BCKDHB: variants seen among roughly 807,000 people sequenced by gnomAD.
The protein encoded by BCKDHB is branched chain keto acid dehydrogenase E1 subunit beta.
Under a neutral mutation model 48.5 loss-of-function variants are expected in BCKDHB, and 41 were observed. The ratio of observed to expected loss-of-function variants is 0.85; its 90% CI spans 0.66 to 1.10. The LOEUF (loss-of-function observed/expected upper bound fraction) is 1.10. Ranked by LOEUF, BCKDHB falls within the 50% of genes least tolerant of loss-of-function variation. The pLI, the probability that BCKDHB is intolerant of heterozygous loss-of-function variation, is 0.00. For missense variants in BCKDHB, 496 were observed against 494.2 expected (o/e 1.00, Z -0.03); for synonymous variants, 201 against 174.8 (o/e 1.15, Z -1.18).
the BCKDHB span, among the ~76,000 whole-genome samples, chr6:80,399,091 T>G: frequency 6.6e-6 from 1 of 152,052 alleles, no homozygotes; most frequent in South Asian, 2.1e-4. Flanking sequence ...AACTAGATAT[T>G]GAAGGAACAT....
rs755910041 is a variant in BCKDHB at position 80,129,141 on chromosome 6, A to C, written c.275-20A>C. The C allele has an allele frequency of 1.9e-6, 3 of 1,540,844 alleles. No homozygotes were observed. The highest frequency in any genetic ancestry group is 2.7e-6 in the Non-Finnish European group (3 of 1,116,682). On this transcript the variant is annotated intron_variant, in intron 2 of 9. Transcript: ENST00000320393. The stretch of plus-strand genomic sequence containing the variant: ...TAGAGATTATTAAATAAAATGTATT[A>C]TTTAAATACTGTTTTTCAGTAATAT...
intron 1 of BCKDHB, among the ~76,000 whole-genome samples, chr6:80,107,423 A>G (rs12192954): frequency 0.011 from 841 of 73,212 alleles, 11 homozygotes; most frequent in East Asian, 0.075. Flanking sequence ...AATTGTGTGT[A>G]TGTGTGTGTG....
chr6:80,232,280 T>C (rs1382321104), intron 8 of BCKDHB, among the ~76,000 whole-genome samples: 2 of 143,628 alleles, frequency 1.4e-5, no homozygotes, highest in East Asian at 4.0e-4. Context: ...TCTTTAACCC[T>C]TTTTTTTTTT....
intron 8 of BCKDHB, among the ~76,000 whole-genome samples, chr6:80,217,977 C>T (rs1775247995): frequency 2.0e-5 from 3 of 152,142 alleles, no homozygotes; most frequent in African/African-American, 4.8e-5. Flanking sequence ...AGCAGATGGG[C>T]CAGCCTGAGC....
rs190122593 is a variant in BCKDHB, at chr6:80,147,355, A to G, written c.343+18126A>G. Reference sequence around the variant, plus strand: ...TTGGTTTTGTGTTCTCTTTGAAGAAAATAGTAGTGATATATGTGCTCAATA... The same window carrying G: ...TTGGTTTTGTGTTCTCTTTGAAGAAGATAGTAGTGATATATGTGCTCAATA... On this transcript the variant is annotated intron_variant, in intron 3 of 9. Transcript: ENST00000320393. 2.0e-3 allele frequency among the ~76,000 whole-genome samples: 298 copies of G among 152,294 alleles called. 3 individuals are homozygous for G. Among genetic ancestry groups the G allele is most frequent in the East Asian group, 0.014 (73 of 5,182 alleles).
At chr6:80,254,174 C>T (rs11961389) in intron 8 of BCKDHB, among the ~76,000 whole-genome samples, 11,078 of 151,226 alleles carry the variant, frequency 0.073, 582 homozygotes, top group South Asian at 0.24. Flanking sequence ...TCCTAGTATC[C>T]TAATATATTA....
chr6:80,294,411 A>G (rs1240258433), intron 9 of BCKDHB, among the ~76,000 whole-genome samples: 2 of 152,184 alleles, frequency 1.3e-5, no homozygotes, highest in Non-Finnish European at 2.9e-5. Flanking sequence ...AAAGAACAGA[A>G]TAACAGTGAC....
intron 9 of BCKDHB, among the ~76,000 whole-genome samples, chr6:80,291,777 G>T (rs1000708991): frequency 6.6e-6 from 1 of 152,098 alleles, no homozygotes; most frequent in Non-Finnish European, 1.5e-5. Flanking sequence ...AATAACAAGT[G>T]TACCACAGTT....
At chr6:80,311,385 G>T (rs1162355536) in intron 9 of BCKDHB, among the ~76,000 whole-genome samples, 1 of 152,194 alleles carries the variant, frequency 6.6e-6, no homozygotes, top group Non-Finnish European at 1.5e-5. Context: ...CTCCCATTCT[G>T]TAGGTTGCCT....
intron 9 of BCKDHB, among the ~76,000 whole-genome samples, chr6:80,282,733 G>T (rs150196481): frequency 1.3e-5 from 2 of 152,104 alleles, no homozygotes; most frequent in East Asian, 3.9e-4. Context: ...CATAGGAAAA[G>T]AAACTTGCAC....
chr6:80,389,265 G>A, the BCKDHB span, among the ~76,000 whole-genome samples: 3 of 152,174 alleles, frequency 2.0e-5, no homozygotes, highest in African/African-American at 7.2e-5. Context: ...AGGGATGGAG[G>A]TTACACATGG....
In BCKDHB at chr6:80,171,250, T is replaced by C. The variant is rs113814307; in HGVS notation, c.634-32T>C. 2.7e-4 allele frequency: 365 copies of C among 1,363,868 alleles called. 1 individual carries two copies. In the African/African-American group the frequency reaches 4.1e-3, roughly 15 times the overall value. The allele number at this position is 1,363,868 out of a possible 1,614,324, so 84.5% of individuals were successfully genotyped here. On this transcript the variant is annotated intron_variant, in intron 5 of 9. Coordinates refer to ENST00000320393, the MANE Select transcript of BCKDHB (RefSeq NM_183050.4). ...CGAGTTTACTGGGATATATTTTTAC[T>C]AAAATTGTCTTAAAAAAATCTGTTT...
At chr6:80,377,135 G>A in the BCKDHB span, among the ~76,000 whole-genome samples, 1 of 151,144 alleles carries the variant, frequency 6.6e-6, no homozygotes, top group East Asian at 1.9e-4. Context: ...CTGTCTCCCA[G>A]GTTCAAGTGA....
intron 8 of BCKDHB, among the ~76,000 whole-genome samples, chr6:80,215,658 G>T (rs1480280076): frequency 1.3e-5 from 2 of 152,148 alleles, no homozygotes; most frequent in Admixed American, 6.5e-5. Flanking sequence ...ATGCCATGGG[G>T]TCTATTTTTA....
chr6:80,336,718 A>C (rs182265247), intron 9 of BCKDHB, among the ~76,000 whole-genome samples: 1 of 152,188 alleles, frequency 6.6e-6, no homozygotes, highest in African/African-American at 2.4e-5. Context: ...TCTGGATGAA[A>C]TTATATTATT....
chr6:80,113,050 A>G (rs1769496428), intron 1 of BCKDHB, among the ~76,000 whole-genome samples: 1 of 152,050 alleles, frequency 6.6e-6, no homozygotes, highest in Non-Finnish European at 1.5e-5. Context: ...AAAGGTCAAA[A>G]CTCCTAAGAG....
At chr6:80,205,367 G>A (rs1774595412) in intron 8 of BCKDHB, among the ~76,000 whole-genome samples, 1 of 151,844 alleles carries the variant, frequency 6.6e-6, no homozygotes, top group Admixed American at 6.6e-5. Flanking sequence ...TTAGATCGCT[G>A]AGTTTTATTC....
chr6:80,431,686 C>G, the BCKDHB span, among the ~76,000 whole-genome samples: 2 of 152,154 alleles, frequency 1.3e-5, no homozygotes, highest in African/African-American at 4.8e-5. Flanking sequence ...AAATATTACT[C>G]CATCCCTTTA....
chr6:80,372,910 C>A, the BCKDHB span, among the ~76,000 whole-genome samples: 2 of 151,958 alleles, frequency 1.3e-5, no homozygotes, highest in African/African-American at 2.4e-5. Flanking sequence ...CTGTATTTTT[C>A]TTTTTCTGTT....
Sources: gnomAD v4.1 joint callset for allele counts (sites outside exome capture counted in the v4.1 genomes callset) on GRCh38, gnomAD v4.1.1 for gene constraint, MANE v1.5 for transcripts, NCBI Gene and HGNC (gene_info 2026-07-23, HGNC 2026-07-21) for gene names.